The following AUH variants were observed in gnomAD, a reference collection of about 807,000 sequenced individuals.
The protein encoded by AUH is methylglutaconyl-CoA hydratase, mitochondrial.
In AUH, 29 loss-of-function variants were observed where a neutral mutation model predicts 42.3. The ratio of observed to expected loss-of-function variants is 0.69; its 90% CI spans 0.51 to 0.93. The LOEUF (loss-of-function observed/expected upper bound fraction) is 0.93. Ranked by LOEUF, AUH falls within the 40% of genes least tolerant of loss-of-function variation. The pLI is 0.00. For synonymous variants in AUH, 174 were observed against 166.4 expected, an observed-to-expected ratio of 1.05 and a Z score of -0.35; for missense variants, 452 against 438.1, an observed-to-expected ratio of 1.03 and a Z score of -0.28.
chr9:91,289,640 T>A (rs192920429), intron 6 of AUH, among the ~76,000 whole-genome samples: 1 of 152,318 alleles, frequency 6.6e-6, no homozygotes, highest in East Asian at 1.9e-4. Flanking sequence ...GGAGGATATC[T>A]CAGAGATCAC....
chr9:91,245,628 T>C (rs1326684246), intron 6 of AUH, among the ~76,000 whole-genome samples: 1 of 152,188 alleles, frequency 6.6e-6, no homozygotes, highest in Non-Finnish European at 1.5e-5. Context: ...GAAGCATCAA[T>C]GACTGGAGCT....
intron 6 of AUH, among the ~76,000 whole-genome samples, chr9:91,258,143 G>A (rs1314879110): frequency 1.3e-5 from 2 of 152,192 alleles, no homozygotes; most frequent in Admixed American, 6.5e-5. Context: ...TTCCAAAAGT[G>A]TTTTGGTAGA....
rs1294843019 is a variant in AUH at position 91,361,893 on chromosome 9, G to A, written c.-4C>T. On this transcript the variant is annotated 5_prime_UTR_variant, in exon 1 of 10. Transcript: ENST00000375731. Reference sequence around the variant, plus strand: ...CCGCCGCCACCGCGGCCGCCATGTTGTCTGTTTACGGCGTGGACCTGCGAC... The same window carrying A: ...CCGCCGCCACCGCGGCCGCCATGTTATCTGTTTACGGCGTGGACCTGCGAC... 16 of 1,462,244 alleles carry A rather than the reference G, an allele frequency of 1.1e-5. No homozygotes were observed. The highest frequency in any genetic ancestry group is 2.9e-5 in the African/African-American group (2 of 67,810). The allele number at this position is 1,462,244 out of a possible 1,614,324, so 90.6% of individuals were successfully genotyped here.
At chr9:91,326,429 G>T (rs1211561065) in intron 3 of AUH, among the ~76,000 whole-genome samples, 2 of 151,896 alleles carry the variant, frequency 1.3e-5, no homozygotes, top group African/African-American at 2.4e-5. Context: ...GCAAAAAAAT[G>T]GATATAACCT....
intron 3 of AUH, among the ~76,000 whole-genome samples, chr9:91,329,733 T>C (rs1271305949): frequency 1.3e-5 from 2 of 152,212 alleles, no homozygotes; most frequent in Non-Finnish European, 1.5e-5. Flanking sequence ...AATTTTAATT[T>C]TGATTAAAAT....
intron 6 of AUH, among the ~76,000 whole-genome samples, chr9:91,242,597 T>G (rs1312669415): frequency 6.6e-6 from 1 of 152,202 alleles, no homozygotes; most frequent in Non-Finnish European, 1.5e-5. Flanking sequence ...GTGAAGGAAG[T>G]GACACCCTCA....
intron 8 of AUH, 142 bp from the exon 9 acceptor site, chr9:91,216,248 T>TGAGA: frequency 1.2e-6 from 1 of 859,026 alleles, no homozygotes; most frequent in African/African-American, 1.7e-5. Context: ...GTGACCAACA[T>TGAGA]GAGACACAGA....
At chr9:91,318,112 C>G (rs946787315) in intron 4 of AUH, among the ~76,000 whole-genome samples, 3 of 152,172 alleles carry the variant, frequency 2.0e-5, no homozygotes, top group Non-Finnish European at 4.4e-5. Context: ...GGAGTAAACT[C>G]TCACTTTACT....
At chr9:91,280,188 G>A (rs570424825) in intron 6 of AUH, among the ~76,000 whole-genome samples, 8 of 152,248 alleles carry the variant, frequency 5.3e-5, no homozygotes, top group African/African-American at 1.9e-4. Flanking sequence ...TTTATAGGCA[G>A]AACTAATTTA....
At chr9:91,312,830 G>A (rs1042740906) in intron 4 of AUH, among the ~76,000 whole-genome samples, 1 of 152,230 alleles carries the variant, frequency 6.6e-6, no homozygotes, top group East Asian at 1.9e-4. Flanking sequence ...ATTACTGGAG[G>A]GTCTGTATAG....
At chr9:91,348,271 G>C (rs916507764) in intron 3 of AUH, among the ~76,000 whole-genome samples, 2 of 152,130 alleles carry the variant, frequency 1.3e-5, no homozygotes, top group African/African-American at 4.8e-5. Flanking sequence ...TCAAGTGTTG[G>C]TAAGCATGTG....
intron 3 of AUH, among the ~76,000 whole-genome samples, chr9:91,345,839 A>AG (rs1831464534): frequency 6.6e-6 from 1 of 151,248 alleles, no homozygotes; most frequent in Non-Finnish European, 1.5e-5. Flanking sequence ...TCGCAAAAAA[A>AG]AAAAAAAAAA....
At chr9:91,216,795 A>C (rs1826845867) in intron 8 of AUH, among the ~76,000 whole-genome samples, 1 of 152,196 alleles carries the variant, frequency 6.6e-6, no homozygotes, top group Admixed American at 6.5e-5. Flanking sequence ...TTTTGGAGTC[A>C]TCTCCCTGGG....
At chr9:91,319,611 G>A (rs1054005915) in intron 4 of AUH, among the ~76,000 whole-genome samples, 2 of 152,228 alleles carry the variant, frequency 1.3e-5, no homozygotes, top group Non-Finnish European at 2.9e-5. Flanking sequence ...AGTTGAGCAT[G>A]AGCACTGAGG....
chr9:91,361,915 C>A lies in AUH; in HGVS notation c.-26G>T, dbSNP rs1832905119. 12 of 1,360,698 alleles carry A rather than the reference C, an allele frequency of 8.8e-6. No individual in the cohort carries two copies. Among genetic ancestry groups the A allele is most frequent in the Non-Finnish European group, 1.1e-5 (12 of 1,058,990 alleles). The allele number at this position is 1,360,698 out of a possible 1,614,324, so 84.3% of individuals were successfully genotyped here. On this transcript the variant is annotated 5_prime_UTR_variant, in exon 1 of 10. Transcript: ENST00000375731. Reference sequence around the variant, plus strand: ...GTTGTCTGTTTACGGCGTGGACCTGCGACGGCCGCTCCGCCCCCGCCCGGC... The same window carrying A: ...GTTGTCTGTTTACGGCGTGGACCTGAGACGGCCGCTCCGCCCCCGCCCGGC...
At chr9:91,275,161 T>C (rs1337781355) in intron 6 of AUH, among the ~76,000 whole-genome samples, 1 of 152,182 alleles carries the variant, frequency 6.6e-6, no homozygotes, top group East Asian at 1.9e-4. Context: ...CTATAAAATA[T>C]GCATGACCAC....
At chr9:91,288,449 G>A (rs997846931) in intron 6 of AUH, among the ~76,000 whole-genome samples, 2 of 152,070 alleles carry the variant, frequency 1.3e-5, no homozygotes, top group African/African-American at 2.4e-5. Context: ...CGTTGGAGAC[G>A]AAACTAGGGC....
At chr9:91,276,216 A>C (rs921985955) in intron 6 of AUH, among the ~76,000 whole-genome samples, 18 of 152,084 alleles carry the variant, frequency 1.2e-4, no homozygotes, top group Admixed American at 5.9e-4. Context: ...ATCACTTGAG[A>C]CCAGGAGTTT....
chr9:91,311,229 A>C (rs1191390536), intron 4 of AUH, among the ~76,000 whole-genome samples: 1 of 150,790 alleles, frequency 6.6e-6, no homozygotes, highest in Non-Finnish European at 1.5e-5. Context: ...AAATTAAATT[A>C]TTTCTTTCTA....
Sources: allele counts gnomAD v4.1 joint callset (sites outside exome capture counted in the v4.1 genomes callset), GRCh38; gene constraint gnomAD v4.1.1; transcripts MANE v1.5; gene names NCBI Gene and HGNC (gene_info 2026-07-23, HGNC 2026-07-21).